The following FHIT variants were observed in gnomAD, a reference collection of about 807,000 sequenced individuals.
FHIT encodes fragile histidine triad diadenosine triphosphatase, also known as bis(5'-adenosyl)-triphosphatase.
FHIT carries 19 observed loss-of-function variants against 17.9 expected under a neutral mutation model. That is an observed-to-expected ratio of 1.06 (90% CI 0.74 to 1.56). The LOEUF is 1.56. FHIT is among the 40% of genes most tolerant of loss of function. The probability of loss-of-function intolerance (pLI) is 0.00; values close to 1 mark genes in which losing one functional copy is unlikely to be tolerated. For missense variants in FHIT, 248 were observed against 189.2 expected (o/e 1.31, Z -1.82); for synonymous variants, 81 against 69.7 (o/e 1.16, Z -0.81).
intron 7 of FHIT, among the ~76,000 whole-genome samples, chr3:59,987,329 G>A (rs971119160): frequency 7.3e-5 from 11 of 151,674 alleles, no homozygotes; most frequent in Admixed American, 3.3e-4. Flanking sequence ...CTGTGAACAC[G>A]GTTAGAAATT....
chr3:60,401,086 C>T (rs1437933456), intron 5 of FHIT, among the ~76,000 whole-genome samples: 1 of 152,006 alleles, frequency 6.6e-6, no homozygotes, highest in Non-Finnish European at 1.5e-5. Flanking sequence ...TTCTGCAGCC[C>T]CTGGTAGCAC....
At chr3:60,433,564 C>T (rs185187399) in intron 5 of FHIT, among the ~76,000 whole-genome samples, 2 of 152,190 alleles carry the variant, frequency 1.3e-5, no homozygotes, top group Admixed American at 6.5e-5. Context: ...TCTTCATACA[C>T]TTACCAGCAC....
chr3:61,137,613 T>C (rs1170866741), intron 2 of FHIT, among the ~76,000 whole-genome samples: 3 of 152,254 alleles, frequency 2.0e-5, no homozygotes, highest in Non-Finnish European at 4.4e-5. Context: ...CTGTCTTTTT[T>C]ACCAAACTGT....
intron 4 of FHIT, among the ~76,000 whole-genome samples, chr3:60,774,053 T>C (rs868993892): frequency 6.6e-6 from 1 of 152,154 alleles, no homozygotes; most frequent in African/African-American, 2.4e-5. Context: ...GATACGAAAA[T>C]GGCAAAATTA....
At chr3:60,646,242 T>G (rs567328761) in intron 4 of FHIT, among the ~76,000 whole-genome samples, 4 of 152,298 alleles carry the variant, frequency 2.6e-5, no homozygotes, top group Non-Finnish European at 5.9e-5. Context: ...TAACCTGAAA[T>G]GGGAAGTAAT....
rs373353151 is a variant in FHIT at position 60,924,245 on chromosome 3, C to T, written c.-110-102234G>A. On this transcript the variant is annotated intron_variant, in intron 3 of 9. Coordinates refer to ENST00000492590, the MANE Select transcript of FHIT (RefSeq NM_002012.4). The stretch of plus-strand genomic sequence containing the variant: ...CAGCATGCAGCTTGAGATCTAAGAA[C>T]GGACAAAATGCCTCCTCAAGTGGGT... 1.9e-4 allele frequency among the ~76,000 whole-genome samples: 29 copies of T among 152,308 alleles called. No individual in the cohort carries two copies. The South Asian group carries it at 4.1e-3, about 22-fold the overall frequency.
At chr3:60,907,674 T>G (rs1365466918) in intron 3 of FHIT, among the ~76,000 whole-genome samples, 37 of 152,096 alleles carry the variant, frequency 2.4e-4, no homozygotes, top group Non-Finnish European at 4.4e-4. Flanking sequence ...TTTTTTAAAG[T>G]ATAATAAATG....
chr3:60,376,830 CAT>C (rs1276189369), intron 5 of FHIT, among the ~76,000 whole-genome samples: 6 of 152,140 alleles, frequency 3.9e-5, no homozygotes, highest in Admixed American at 3.9e-4. Context: ...CCATACACGA[CAT>C]AGATATTTTT....
At position 59,748,568 on chromosome 3, in the gene FHIT, A is replaced by G. The variant is rs116662307; in HGVS notation, c.*1017T>C. Among the ~76,000 whole-genome samples the G allele has an allele frequency of 4.3e-3, 647 of 150,134 alleles. 3 individuals carry two copies. Among genetic ancestry groups the G allele is most frequent in the African/African-American group, 0.015 (611 of 40,660 alleles). ...TAAGGAAGAAGTCCAGCAGGCGAGGAGGTGGGAGGTCCTCAAGGCAGAAAT... is the reference window on the plus strand; with the variant it reads ...TAAGGAAGAAGTCCAGCAGGCGAGGGGGTGGGAGGTCCTCAAGGCAGAAAT... On this transcript the variant is annotated 3_prime_UTR_variant, in exon 10 of 10. Transcript: ENST00000492590.
intron 3 of FHIT, among the ~76,000 whole-genome samples, chr3:61,014,105 C>T (rs2031944793): frequency 6.6e-6 from 1 of 152,164 alleles, no homozygotes; most frequent in South Asian, 2.1e-4. Flanking sequence ...CAGATTCCTA[C>T]TCAAGCTGCA....
chr3:60,342,435 G>A (rs1240580505), intron 5 of FHIT, among the ~76,000 whole-genome samples: 1 of 152,112 alleles, frequency 6.6e-6, no homozygotes, highest in Non-Finnish European at 1.5e-5. Context: ...ATTTTAAAAA[G>A]ATTACTGTGA....
chr3:60,312,154 C>A (rs1334210995), intron 5 of FHIT, among the ~76,000 whole-genome samples: 3 of 151,748 alleles, frequency 2.0e-5, no homozygotes, highest in African/African-American at 7.3e-5. Flanking sequence ...ATAAAAAAAT[C>A]TTTTTTTTAA....
chr3:60,216,202 C>T (rs1416662127), intron 5 of FHIT, among the ~76,000 whole-genome samples: 2 of 152,110 alleles, frequency 1.3e-5, no homozygotes, highest in Non-Finnish European at 1.5e-5. Context: ...GGTTTTAATA[C>T]ATTTCAAAAA....
intron 5 of FHIT, among the ~76,000 whole-genome samples, chr3:60,085,197 T>C (rs1040746317): frequency 1.3e-5 from 2 of 152,112 alleles, no homozygotes; most frequent in Non-Finnish European, 2.9e-5. Context: ...GGATGAAGAA[T>C]TCCTTATAAA....
chr3:60,162,664 T>C (rs1028501564), intron 5 of FHIT, among the ~76,000 whole-genome samples: 1 of 152,188 alleles, frequency 6.6e-6, no homozygotes, highest in South Asian at 2.1e-4. Context: ...ACCTTCTTTA[T>C]AGATGAGAAA....
chr3:59,784,022 G>A (rs2106893963), intron 8 of FHIT, among the ~76,000 whole-genome samples: 1 of 152,268 alleles, frequency 6.6e-6, no homozygotes, highest in South Asian at 2.1e-4. Flanking sequence ...AGATGATATT[G>A]ACTATTTGTA....
At chr3:60,121,926 T>G (rs1273112695) in intron 5 of FHIT, among the ~76,000 whole-genome samples, 1 of 152,104 alleles carries the variant, frequency 6.6e-6, no homozygotes, top group Non-Finnish European at 1.5e-5. Context: ...TAAGAAATAA[T>G]ATATTTGGGT....
chr3:61,059,277 C>T lies in FHIT; in HGVS notation c.-163-17178G>A, dbSNP rs568715881. On this transcript the variant is annotated intron_variant, in intron 2 of 9. Coordinates refer to ENST00000492590, the MANE Select transcript of FHIT (RefSeq NM_002012.4). ...GACCACAGCTAACTAAAGTAATTCA[C>T]ATGTGAATTTTATTCTCAAAAAAAG... 2.0e-5 allele frequency among the ~76,000 whole-genome samples: 3 copies of T among 151,960 alleles called. No individual in the cohort carries two copies. In the South Asian group the frequency reaches 6.2e-4, roughly 32 times the overall value.
chr3:61,227,729 G>T (rs1576262892), intron 1 of FHIT, among the ~76,000 whole-genome samples: 1 of 152,074 alleles, frequency 6.6e-6, no homozygotes. Context: ...TTACAGCATA[G>T]AACTTTTTTC....
Sources: allele counts gnomAD v4.1 joint callset (sites outside exome capture counted in the v4.1 genomes callset), GRCh38; gene constraint gnomAD v4.1.1; transcripts MANE v1.5; gene names NCBI Gene and HGNC (gene_info 2026-07-23, HGNC 2026-07-21).